The following ENKUR variants were observed in gnomAD, a reference collection of about 807,000 sequenced individuals.
ENKUR encodes the protein enkurin.
ENKUR carries 19 observed loss-of-function variants against 27.6 expected under a neutral mutation model. That is an observed-to-expected ratio of 0.69 (90% CI 0.48 to 1.01). The LOEUF is 1.01. Ranked by LOEUF, ENKUR falls within the 50% of genes least tolerant of loss-of-function variation. The pLI is 0.00. For missense variants in ENKUR, 312 were observed against 310.5 expected, an observed-to-expected ratio of 1.00 and a Z score of -0.04; for synonymous variants, 117 against 96.9, an observed-to-expected ratio of 1.21 and a Z score of -1.22.
exon 2 of ENKUR, chr10:25,061,299 T>G (rs1026952476): frequency 5.8e-6 from 4 of 688,138 alleles, no homozygotes; most frequent in Non-Finnish European, 9.9e-6. Flanking sequence ...TCCCAGGCTT[T>G]CTTGTGCCGC....
Position 25,008,172 on chromosome 10 carries a change from C to CT in ENKUR, c.77+7687dup, listed in dbSNP as rs1372950705. On this transcript the variant is annotated intron_variant, in intron 1 of 5. Transcript: ENST00000331161. Reference sequence around the variant, plus strand: ...AACACTTAAAACACTAAAATAGCTTCTAACACTACTCATAATACTAAGAGA... The same window carrying CT: ...AACACTTAAAACACTAAAATAGCTTCTTAACACTACTCATAATACTAAGAGA... Among the ~76,000 whole-genome samples the CT allele has an allele frequency of 3.9e-5, 6 of 152,012 alleles. No homozygotes were observed. In the East Asian group the frequency reaches 9.6e-4, roughly 24 times the overall value.
At chr10:24,986,435 A>G (rs1168931906) in intron 4 of ENKUR, among the ~76,000 whole-genome samples, 3 of 152,214 alleles carry the variant, frequency 2.0e-5, no homozygotes, top group African/African-American at 7.2e-5. Flanking sequence ...AGGAGGCTAC[A>G]CAGTTCTTGA....
intron 2 of ENKUR, among the ~76,000 whole-genome samples, chr10:25,054,548 CTTTCTTTCTTTCT>C (rs1851230807): frequency 1.0e-5 from 1 of 99,434 alleles, no homozygotes; most frequent in Non-Finnish European, 2.0e-5. Flanking sequence ...TCTTTCTTTC[CTTTCTTTCTTTCT>C]TTCTTCCTTC....
At chr10:24,990,350 T>G in intron 4 of ENKUR, 113 bp downstream of exon 4, 1 of 1,365,494 alleles carries the variant, frequency 7.3e-7, no homozygotes. Context: ...CCCAAAGAGA[T>G]TGTTCTGATT....
intron 2 of ENKUR, among the ~76,000 whole-genome samples, chr10:25,038,139 A>G (rs1266762154): frequency 5.3e-5 from 8 of 152,240 alleles, no homozygotes; most frequent in East Asian, 3.9e-4. Context: ...TCTATTCTCA[A>G]TTGTCTTGTG....
chr10:25,018,661 T>TG (rs1564347083), upstream of ENKUR, among the ~76,000 whole-genome samples: 1 of 128,084 alleles, frequency 7.8e-6, no homozygotes, highest in African/African-American at 2.8e-5. Flanking sequence ...TGAGAGTTGT[T>TG]TTTTTTTTTT....
Position 25,023,434 on chromosome 10 carries a change from G to A in ENKUR, c.38-27565C>T, listed in dbSNP as rs755298710. Reference sequence around the variant, plus strand: ...ACCTCCTGGTGCTGGGAAAACAACAGTAGGCAGAATAATAGGTCAGAAACT... The same window carrying A: ...ACCTCCTGGTGCTGGGAAAACAACAATAGGCAGAATAATAGGTCAGAAACT... On this transcript the variant is annotated intron_variant, in intron 2 of 5. Coordinates refer to the ENKUR transcript ENST00000615958. 1 of 1,614,136 alleles carries A rather than the reference G, an allele frequency of 6.2e-7. No homozygotes were observed. The highest frequency in any genetic ancestry group is 1.7e-5 in the Admixed American group (1 of 60,024).
At chr10:25,052,734 C>T (rs893754136) in intron 2 of ENKUR, among the ~76,000 whole-genome samples, 4 of 152,150 alleles carry the variant, frequency 2.6e-5, no homozygotes, top group Non-Finnish European at 5.9e-5. Flanking sequence ...GATCACACCA[C>T]TGCACTCCAG....
intron 1 of ENKUR, among the ~76,000 whole-genome samples, chr10:25,007,659 C>A (rs1281699550): frequency 6.6e-6 from 1 of 152,142 alleles, no homozygotes; most frequent in African/African-American, 2.4e-5. Flanking sequence ...TGTTCTCGAT[C>A]TCCTGACCTC....
In ENKUR at chr10:24,990,465, G is replaced by A. The variant is rs201664070; in HGVS notation, c.592C>T (p.Gln198Ter). 5.3e-5 allele frequency: 86 copies of A among 1,611,064 alleles called. No homozygotes were observed. Among genetic ancestry groups the A allele is most frequent in the Non-Finnish European group, 8.5e-7 (1 of 1,179,290 alleles). Residue 198 changes from glutamine to a stop codon, truncating the protein, a stop_gained and splice_region_variant, in exon 4 of 6, where the codon CAG (glutamine) becomes TAG (stop). Coordinates refer to ENST00000331161, the MANE Select transcript of ENKUR (RefSeq NM_145010.4). LOFTEE classifies it high-confidence loss of function. ...AATGTAAATGGCAGAACACACACCT[G>A]CAAAACTGCCTCCCTTTCTTCATCG... ...LSDEEREAVL[Q>*]GLKKNWEEVH...
chr10:25,016,134 C>T lies in ENKUR; in HGVS notation c.-198G>A, dbSNP rs938372463. ...GGGAAGAAAACACCCTATTTCTCTC[C>T]GGATTGCTAAGCGTCGTTGACTGTG... On this transcript the variant is annotated 5_prime_UTR_variant, in exon 1 of 6. Coordinates refer to ENST00000331161, the MANE Select transcript of ENKUR (RefSeq NM_145010.4). The T allele has an allele frequency of 8.0e-7, 1 of 1,246,000 alleles. No homozygotes were observed. 77.2% of individuals were successfully genotyped at this position (1,246,000 alleles called of 1,614,324 possible). A position where few individuals can be genotyped will look rare whatever the true frequency, so the allele number is the denominator to read the frequency against.
At chr10:25,029,091 ATTT>A (rs1429126169) in intron 2 of ENKUR, among the ~76,000 whole-genome samples, 1 of 152,138 alleles carries the variant, frequency 6.6e-6, no homozygotes, top group African/African-American at 2.4e-5. Flanking sequence ...CATTTGTCTA[ATTT>A]TTATCTCTTC....
rs755499930 is a variant in ENKUR, at chr10:24,999,383, A to C, written c.223+18T>G. On this transcript the variant is annotated intron_variant, in intron 2 of 5. Coordinates refer to ENST00000331161, the MANE Select transcript of ENKUR (RefSeq NM_145010.4). Reference sequence around the variant, plus strand: ...GCTAATGCTTTTAATATTAAAAATAAAGCATGATAAAACCTACTGGGTGGT... The same window carrying C: ...GCTAATGCTTTTAATATTAAAAATACAGCATGATAAAACCTACTGGGTGGT... 1 of 1,580,014 alleles carries C rather than the reference A, an allele frequency of 6.3e-7. No individual in the cohort carries two copies. Among genetic ancestry groups the C allele is most frequent in the Admixed American group, 2.0e-5 (1 of 49,862 alleles).
At position 25,035,777 on chromosome 10, in the gene ENKUR, G is replaced by A. The variant is rs561424211; in HGVS notation, c.37+25335C>T. On this transcript the variant is annotated intron_variant, in intron 2 of 5. Transcript: ENST00000615958. ...ATTTCACTCACAATGATTGGTATCT[G>A]CCTCACAATAAAGAATGCCTCTTTA... Among the ~76,000 whole-genome samples the A allele has an allele frequency of 3.9e-5, 6 of 152,258 alleles. No individual in the cohort carries two copies. The East Asian group carries it at 1.2e-3, about 29-fold the overall frequency.
At chr10:25,018,389 C>A (rs889336921), upstream of ENKUR, among the ~76,000 whole-genome samples, 2 of 152,200 alleles carry the variant, frequency 1.3e-5, no homozygotes, top group African/African-American at 2.4e-5. Flanking sequence ...AACAAACTGT[C>A]TATAAAGGGG....
At chr10:24,984,574 G>T in intron 5 of ENKUR, 162 bp downstream of exon 5, 2 of 1,010,638 alleles carry the variant, frequency 2.0e-6, no homozygotes, top group Non-Finnish European at 2.8e-6. Flanking sequence ...TTGTGTAAGT[G>T]AATAACTCAA....
At chr10:25,052,705 C>T (rs1336649459) in intron 2 of ENKUR, among the ~76,000 whole-genome samples, 4 of 151,982 alleles carry the variant, frequency 2.6e-5, no homozygotes, top group South Asian at 2.1e-4. Context: ...CTCAGGAGTT[C>T]GAGGCTGCAG....
At chr10:25,033,411 A>C (rs1375301442) in intron 2 of ENKUR, among the ~76,000 whole-genome samples, 1 of 151,400 alleles carries the variant, frequency 6.6e-6, no homozygotes, top group Non-Finnish European at 1.5e-5. Context: ...CAAAAAAAAA[A>C]AAAAAAAAAA....
rs556242162 is a variant in ENKUR, at chr10:24,982,684, T to C, written c.*1686A>G. ...ATGTATGTGTATGGATTGGGGGAGG[T>C]TGAACTGGCTCTATCCAAGTTTGGG... On this transcript the variant is annotated 3_prime_UTR_variant, in exon 6 of 6. Transcript: ENST00000331161. 167 of 152,066 alleles carry C rather than the reference T, an allele frequency of 1.1e-3. No homozygotes were observed. Among genetic ancestry groups the C allele is most frequent in the African/African-American group, 3.9e-3 (160 of 41,456 alleles). The allele number at this position is 152,066 out of a possible 1,614,324, so 9.4% of individuals were successfully genotyped here.
Sources: gnomAD v4.1 joint callset for allele counts (sites outside exome capture counted in the v4.1 genomes callset) on GRCh38, gnomAD v4.1.1 for gene constraint, MANE v1.5 for transcripts, NCBI Gene and HGNC (gene_info 2026-07-23, HGNC 2026-07-21) for gene names.